MMP26: variants seen among roughly 807,000 people sequenced by gnomAD.
The protein encoded by MMP26 is matrix metalloproteinase-26.
MMP26 carries 33 observed loss-of-function variants against 31.0 expected under a neutral mutation model. The ratio of observed to expected loss-of-function variants is 1.06; its 90% CI spans 0.81 to 1.42. The LOEUF (loss-of-function observed/expected upper bound fraction) is 1.42. Ranked by LOEUF, MMP26 falls within the 40% of genes most tolerant of loss-of-function variation. The pLI is 0.00. For missense variants in MMP26, 347 were observed against 316.1 expected, an observed-to-expected ratio of 1.10 and a Z score of -0.74; for synonymous variants, 122 against 114.9, an observed-to-expected ratio of 1.06 and a Z score of -0.40.
At chr11:4,902,813 C>A (rs1167902565) in intron 2 of MMP26, among the ~76,000 whole-genome samples, 4 of 152,144 alleles carry the variant, frequency 2.6e-5, no homozygotes, top group African/African-American at 9.7e-5. Context: ...GACATGGGAA[C>A]TAGCAATGAG....
At chr11:4,917,185 C>CTAACTAA (rs1851109321) in intron 2 of MMP26, among the ~76,000 whole-genome samples, 1 of 152,198 alleles carries the variant, frequency 6.6e-6, no homozygotes, top group Admixed American at 6.5e-5. Flanking sequence ...TTTTATTTCG[C>CTAACTAA]TAACTAATAG....
intron 2 of MMP26, chr11:4,915,324 A>G: frequency 6.2e-7 from 1 of 1,614,026 alleles, no homozygotes; most frequent in Non-Finnish European, 8.5e-7. Flanking sequence ...GACTCGAGGA[A>G]GGAGAAGCAG....
intron 2 of MMP26, among the ~76,000 whole-genome samples, chr11:4,861,723 C>A (rs1589922710): frequency 1.3e-5 from 2 of 152,014 alleles, no homozygotes; most frequent in Admixed American, 1.3e-4. Flanking sequence ...TAATACTTAG[C>A]CCAGTTCCTT....
At chr11:4,783,034 GA>G (rs373066904) in intron 2 of MMP26, among the ~76,000 whole-genome samples, 92 of 152,352 alleles carry the variant, frequency 6.0e-4, no homozygotes, top group Middle Eastern at 6.8e-3. Context: ...AGTGCAGAAG[GA>G]AAATGTGGGG....
intron 1 of MMP26, among the ~76,000 whole-genome samples, chr11:4,765,673 G>T (rs996274362): frequency 1.2e-4 from 19 of 152,166 alleles, no homozygotes; most frequent in African/African-American, 4.6e-4. Context: ...AGCCTGGCTT[G>T]CTGACTGCAG....
chr11:4,860,327 A>T (rs1308408498), intron 2 of MMP26: 1 of 471,386 alleles, frequency 2.1e-6, no homozygotes, highest in South Asian at 1.5e-5. Context: ...ATGGAGGGCA[A>T]GGTGGACATG....
At chr11:4,794,542 T>C (rs528245267) in intron 2 of MMP26, among the ~76,000 whole-genome samples, 1 of 152,284 alleles carries the variant, frequency 6.6e-6, no homozygotes, top group Non-Finnish European at 1.5e-5. Context: ...GTATTTTCTT[T>C]AGGGTCTTCT....
chr11:4,871,035 AAGT>A (rs1324877626), intron 2 of MMP26, among the ~76,000 whole-genome samples: 24 of 152,270 alleles, frequency 1.6e-4, no homozygotes, highest in Non-Finnish European at 2.9e-5. Context: ...GTATAAATTA[AAGT>A]AGGAGGAAAC....
intron 2 of MMP26, chr11:4,908,224 T>C (rs1850934683): frequency 6.2e-7 from 1 of 1,614,158 alleles, no homozygotes; most frequent in Non-Finnish European, 8.5e-7. Flanking sequence ...TGCCGCCCCT[T>C]ATGAACCCCA....
intron 2 of MMP26, among the ~76,000 whole-genome samples, chr11:4,827,940 A>G (rs1849600352): frequency 6.6e-6 from 1 of 152,040 alleles, no homozygotes; most frequent in Admixed American, 6.6e-5. Context: ...TCTGGAGACC[A>G]ATTAATTTTC....
In MMP26 at chr11:4,725,149, T is replaced by C. The variant is rs114682828; in HGVS notation, c.-217+20104T>C. ...TTTGCCTTCTGCCATGACTGTAAGT[T>C]TCCTGAGGCCTGCCCAGCACCATGC... On this transcript the variant is annotated intron_variant, in intron 1 of 7. Coordinates refer to ENST00000380390, the MANE Select transcript of MMP26 (RefSeq NM_021801.5). Among the ~76,000 whole-genome samples, 262 of 152,312 alleles carry C rather than the reference T, an allele frequency of 1.7e-3. 2 individuals carry two copies. The highest frequency in any genetic ancestry group is 5.8e-3 in the African/African-American group (243 of 41,568).
intron 2 of MMP26, among the ~76,000 whole-genome samples, chr11:4,942,653 T>C (rs1846231180): frequency 6.6e-6 from 1 of 152,212 alleles, no homozygotes; most frequent in Non-Finnish European, 1.5e-5. Context: ...ATCTTGCTTT[T>C]GTGTTTAAGT....
intron 2 of MMP26, among the ~76,000 whole-genome samples, chr11:4,909,648 A>G (rs1850959699): frequency 6.6e-6 from 1 of 152,126 alleles, no homozygotes; most frequent in Non-Finnish European, 1.5e-5. Context: ...AGTCTCTCTA[A>G]TATGCTTTTT....
At chr11:4,889,573 G>A (rs888400960) in intron 2 of MMP26, 13 of 152,158 alleles carry the variant, frequency 8.5e-5, no homozygotes, top group Admixed American at 6.5e-4. Context: ...CTTGTACCAC[G>A]TTTACTGACA....
At chr11:4,815,592 T>C (rs1455657406) in intron 2 of MMP26, among the ~76,000 whole-genome samples, 2 of 152,100 alleles carry the variant, frequency 1.3e-5, no homozygotes, top group Non-Finnish European at 2.9e-5. Context: ...AGAAAGAAAT[T>C]TTAGACAGGG....
chr11:4,933,532 T>A (rs897040180), intron 2 of MMP26, among the ~76,000 whole-genome samples: 5 of 143,472 alleles, frequency 3.5e-5, no homozygotes, highest in African/African-American at 7.7e-5. Context: ...TTTTTGTTTT[T>A]TTTTTTGTTT....
chr11:4,726,137 A>G (rs146581026), intron 1 of MMP26, among the ~76,000 whole-genome samples: 2,960 of 152,334 alleles, frequency 0.019, 54 homozygotes, highest in South Asian at 0.033. Flanking sequence ...CCAAACCACT[A>G]AGCTTAGCAA....
At chr11:4,820,880 T>C (rs1849487008) in intron 2 of MMP26, among the ~76,000 whole-genome samples, 1 of 150,754 alleles carries the variant, frequency 6.6e-6, no homozygotes, top group Non-Finnish European at 1.5e-5. Context: ...GCGATCAATA[T>C]TTATTTTTCT....
intron 1 of MMP26, among the ~76,000 whole-genome samples, chr11:4,728,576 T>C (rs889732193): frequency 6.6e-6 from 1 of 152,222 alleles, no homozygotes; most frequent in African/African-American, 2.4e-5. Context: ...CCTTCTATTA[T>C]GGATGCTATT....
Sources: allele counts gnomAD v4.1 joint callset (sites outside exome capture counted in the v4.1 genomes callset), GRCh38; gene constraint gnomAD v4.1.1; transcripts MANE v1.5; gene names NCBI Gene and HGNC (gene_info 2026-07-23, HGNC 2026-07-21).